Variants in UBE2W observed in about 807,000 individuals in gnomAD.
UBE2W encodes ubiquitin conjugating enzyme E2 W.
In UBE2W, 18 loss-of-function variants were observed where a neutral mutation model predicts 27.2. That is an observed-to-expected ratio of 0.66 (90% CI 0.46 to 0.98). The LOEUF (loss-of-function observed/expected upper bound fraction) is 0.98, where lower values mean the gene tolerates loss of function less well. Ranked by LOEUF, UBE2W falls within the 50% of genes least tolerant of loss-of-function variation. The pLI, the probability that UBE2W is intolerant of heterozygous loss-of-function variation, is 0.00. For synonymous variants in UBE2W, 53 were observed against 57.2 expected, an observed-to-expected ratio of 0.93 and a Z score of 0.33; for missense variants, 90 against 180.2, an observed-to-expected ratio of 0.50 and a Z score of 2.87.
downstream of UBE2W, among the ~76,000 whole-genome samples, chr8:73,785,816 C>G (rs960041171): frequency 6.6e-6 from 1 of 152,226 alleles, no homozygotes; most frequent in Non-Finnish European, 1.5e-5. Flanking sequence ...AAGCTCCTGA[C>G]GTGATCCACC....
At chr8:73,842,884 C>T (rs1472594407) in intron 1 of UBE2W, among the ~76,000 whole-genome samples, 1 of 152,074 alleles carries the variant, frequency 6.6e-6, no homozygotes, top group African/African-American at 2.4e-5. Flanking sequence ...AACATATATA[C>T]AAACATTCAT....
rs1564530 is a variant in UBE2W, at chr8:73,787,842, T to C, written c.*6260A>G. The C allele has an allele frequency of 0.91, 892,290 of 985,338 alleles. 404,322 individuals carry two copies. The highest frequency in any genetic ancestry group is 0.98 in the African/African-American group (56,395 of 57,344). The allele number at this position is 985,338 out of a possible 1,614,324, so 61.0% of individuals were successfully genotyped here. A position where few individuals can be genotyped will look rare whatever the true frequency, so the allele number is the denominator to read the frequency against. On this transcript the variant is annotated 3_prime_UTR_variant, in exon 6 of 6. Coordinates refer to ENST00000602593, the MANE Select transcript of UBE2W (RefSeq NM_018299.6). ...CTCACGATAACTCTAAGCAAGTGCC[T>C]GGGTCTCCATTTCCATCTTCACTGA... is the stretch of plus-strand genomic sequence containing the variant.
intron 1 of UBE2W, among the ~76,000 whole-genome samples, chr8:73,874,790 A>C (rs928366151): frequency 6.6e-6 from 1 of 152,262 alleles, no homozygotes; most frequent in African/African-American, 2.4e-5. Context: ...AAGACTGGGC[A>C]CATAGGCTCA....
chr8:73,797,477 G>A (rs1468797695), intron 5 of UBE2W, among the ~76,000 whole-genome samples: 4 of 152,156 alleles, frequency 2.6e-5, no homozygotes, highest in Non-Finnish European at 5.9e-5. Context: ...GAAACAGAAG[G>A]CACAAACAAA....
At chr8:73,805,909 T>G (rs1286250443) in intron 4 of UBE2W, among the ~76,000 whole-genome samples, 183 bp from the exon 5 acceptor site, 1 of 152,082 alleles carries the variant, frequency 6.6e-6, no homozygotes, top group Non-Finnish European at 1.5e-5. Flanking sequence ...CACCTAAATT[T>G]AAAAAAGGAA....
At chr8:73,857,030 A>C (rs1041689820) in intron 1 of UBE2W, among the ~76,000 whole-genome samples, 2 of 152,174 alleles carry the variant, frequency 1.3e-5, no homozygotes, top group Non-Finnish European at 2.9e-5. Flanking sequence ...TGAACCGCTA[A>C]CTTTATGGTT....
intron 5 of UBE2W, among the ~76,000 whole-genome samples, chr8:73,798,288 T>A (rs938111387): frequency 4.6e-5 from 7 of 152,130 alleles, no homozygotes; most frequent in Non-Finnish European, 1.5e-5. Flanking sequence ...CAGAGTGAGA[T>A]TCTGTCTCAA....
chr8:73,872,198 A>T (rs974694253), intron 1 of UBE2W, among the ~76,000 whole-genome samples: 1 of 152,200 alleles, frequency 6.6e-6, no homozygotes, highest in African/African-American at 2.4e-5. Flanking sequence ...TGCTTCATTA[A>T]GGCAGGAAAA....
At chr8:73,803,062 C>T (rs1808714509) in intron 5 of UBE2W, among the ~76,000 whole-genome samples, 1 of 149,058 alleles carries the variant, frequency 6.7e-6, no homozygotes, top group South Asian at 2.1e-4. Context: ...AATAAAAATA[C>T]AAAAATCAGC....
Position 73,787,440 on chromosome 8 carries a change from A to G in UBE2W, c.*6662T>C, listed in dbSNP as rs1331939654. On this transcript the variant is annotated 3_prime_UTR_variant, in exon 6 of 6. Transcript: ENST00000602593. Reference sequence around the variant, plus strand: ...AAGGATTATAATAAAGGAAAAGGGCATCATCAAAGTACAAAAGATGGTTCA... The same window carrying G: ...AAGGATTATAATAAAGGAAAAGGGCGTCATCAAAGTACAAAAGATGGTTCA... 2 of 985,348 alleles carry G rather than the reference A, an allele frequency of 2.0e-6. No homozygotes were observed. Among genetic ancestry groups the G allele is most frequent in the South Asian group, 4.7e-5 (1 of 21,294 alleles). 61.0% of individuals were successfully genotyped at this position (985,348 alleles called of 1,614,324 possible). A position where few individuals can be genotyped will look rare whatever the true frequency, so the allele number is the denominator to read the frequency against.
Position 73,791,592 on chromosome 8 carries a change from T to C in UBE2W, c.*2510A>G. On this transcript the variant is annotated 3_prime_UTR_variant, in exon 6 of 6. Coordinates refer to ENST00000602593, the MANE Select transcript of UBE2W (RefSeq NM_018299.6). ...CTTTTTATTATTACAAGCCATTAAT[T>C]GCTCTCTGTAGAGCAATGACTCAGA... The C allele has an allele frequency of 1.0e-6, 1 of 985,238 alleles. No homozygotes were observed. Among genetic ancestry groups the C allele is most frequent in the Middle Eastern group, 5.2e-4 (1 of 1,914 alleles). The allele number at this position is 985,238 out of a possible 1,614,324, so 61.0% of individuals were successfully genotyped here.
Position 73,793,897 on chromosome 8 carries a change from C to CTT in UBE2W, c.*204_*205insAA, listed in dbSNP as rs1486961690. ...TGACACCTGCATTAATACTGTATGA[C>CTT]TAATAAAAGCATGTCAGTTGCCTGG... On this transcript the variant is annotated 3_prime_UTR_variant, in exon 6 of 6. Transcript: ENST00000602593. The CTT allele has an allele frequency of 7.1e-7, 1 of 1,398,846 alleles. No individual in the cohort carries two copies. The highest frequency in any genetic ancestry group is 9.3e-7 in the Non-Finnish European group (1 of 1,072,288). The allele number at this position is 1,398,846 out of a possible 1,614,324, so 86.7% of individuals were successfully genotyped here.
intron 1 of UBE2W, among the ~76,000 whole-genome samples, chr8:73,848,161 A>T (rs1015509440): frequency 7.9e-5 from 12 of 152,176 alleles, no homozygotes; most frequent in Non-Finnish European, 7.4e-5. Context: ...AGATCGTGCC[A>T]TTGCGCTCCA....
intron 1 of UBE2W, among the ~76,000 whole-genome samples, chr8:73,849,380 C>G (rs1019870111): frequency 6.6e-6 from 1 of 151,682 alleles, no homozygotes; most frequent in African/African-American, 2.4e-5. Context: ...GGCATGGTGG[C>G]GGGTGCCTGT....
intron 1 of UBE2W, among the ~76,000 whole-genome samples, chr8:73,843,519 C>T (rs1810634590): frequency 6.6e-6 from 1 of 151,976 alleles, no homozygotes; most frequent in South Asian, 2.1e-4. Context: ...ACCTGTAGTC[C>T]TAGCTACTCC....
chr8:73,820,634 A>G (rs750320942), intron 3 of UBE2W, among the ~76,000 whole-genome samples: 42 of 152,166 alleles, frequency 2.8e-4, no homozygotes, highest in Non-Finnish European at 4.4e-4. Flanking sequence ...GCAGCTACTC[A>G]GAGAGGCTGA....
downstream of UBE2W, among the ~76,000 whole-genome samples, chr8:73,785,524 T>G (rs757083233): frequency 9.9e-5 from 15 of 152,216 alleles, no homozygotes; most frequent in African/African-American, 1.2e-4. Context: ...GCTGGGGGTT[T>G]GGGCTCTATT....
Position 73,792,690 on chromosome 8 carries a change from T to C in UBE2W, c.*1412A>G. 1 of 985,152 alleles carries C rather than the reference T, an allele frequency of 1.0e-6. No individual in the cohort carries two copies. The highest frequency in any genetic ancestry group is 1.2e-6 in the Non-Finnish European group (1 of 829,312). The allele number at this position is 985,152 out of a possible 1,614,324, so 61.0% of individuals were successfully genotyped here. ...TTGTAGTAGAAACAGATTTTGCATATGTGAAAAGGTAATTTATAAAATACA... is the reference window on the plus strand; with the variant it reads ...TTGTAGTAGAAACAGATTTTGCATACGTGAAAAGGTAATTTATAAAATACA... On this transcript the variant is annotated 3_prime_UTR_variant, in exon 6 of 6. Coordinates refer to ENST00000602593, the MANE Select transcript of UBE2W (RefSeq NM_018299.6).
chr8:73,788,871 C>G lies in UBE2W; in HGVS notation c.*5231G>C. 1 of 985,376 alleles carries G rather than the reference C, an allele frequency of 1.0e-6. No homozygotes were observed. The highest frequency in any genetic ancestry group is 1.2e-6 in the Non-Finnish European group (1 of 829,930). The allele number at this position is 985,376 out of a possible 1,614,324, so 61.0% of individuals were successfully genotyped here. The stretch of plus-strand genomic sequence containing the variant: ...CAACTCCTCACTCACCATATTAAAA[C>G]TGGAGTTCTTGAGGTATGTTAAGAT... On this transcript the variant is annotated 3_prime_UTR_variant, in exon 6 of 6. Coordinates refer to ENST00000602593, the MANE Select transcript of UBE2W (RefSeq NM_018299.6).
Sources: gnomAD v4.1 joint callset for allele counts (sites outside exome capture counted in the v4.1 genomes callset) on GRCh38, gnomAD v4.1.1 for gene constraint, MANE v1.5 for transcripts, NCBI Gene and HGNC (gene_info 2026-07-23, HGNC 2026-07-21) for gene names.